HOXA5: variants seen among roughly 807,000 people sequenced by gnomAD.
The protein encoded by HOXA5 is homeobox A5, also known as homeobox protein Hox-A5.
In HOXA5, 12 loss-of-function variants were observed where a neutral mutation model predicts 20.0. The observed-to-expected ratio is 0.60, with a 90% CI of 0.38 to 0.97. The LOEUF (loss-of-function observed/expected upper bound fraction) is 0.97, where lower values mean the gene tolerates loss of function less well. HOXA5 is among the 50% of genes least tolerant of loss of function. HOXA5 has a pLI of 0.00. For synonymous variants in HOXA5, 159 were observed against 157.7 expected, an observed-to-expected ratio of 1.01 and a Z score of -0.06; for missense variants, 352 against 380.3, an observed-to-expected ratio of 0.93 and a Z score of 0.62.
intron 1 of HOXA5, among the ~76,000 whole-genome samples, chr7:27,142,346 C>G (rs1583406584): frequency 6.6e-6 from 1 of 152,342 alleles, no homozygotes; most frequent in East Asian, 1.9e-4. Flanking sequence ...CCCTCTCCTG[C>G]CCCCTCCGCC....
chr7:27,142,330 C>T (rs1481928631), intron 1 of HOXA5, among the ~76,000 whole-genome samples: 1 of 152,208 alleles, frequency 6.6e-6, no homozygotes, highest in African/African-American at 2.4e-5. Context: ...TCCGGCTTTC[C>T]CTGGCCCCTC....
At position 27,141,099 on chromosome 7, in the gene HOXA5, C is replaced by T. The variant is rs1466729019; in HGVS notation, c.*736G>A. ...TTTTTGTTCCAGTCAGTATTTTTTC[C>T]TTAAAAACAAATACAAAAAAAAAAA... is the stretch of plus-strand genomic sequence containing the variant. On this transcript the variant is annotated 3_prime_UTR_variant, in exon 2 of 2. Transcript: ENST00000222726. The T allele has an allele frequency of 2.9e-5, 3 of 102,038 alleles. No homozygotes were observed. The highest frequency in any genetic ancestry group is 1.2e-4 in the African/African-American group (3 of 25,748). The allele number at this position is 102,038 out of a possible 1,614,324, so 6.3% of individuals were successfully genotyped here. A position where few individuals can be genotyped will look rare whatever the true frequency, so the allele number is the denominator to read the frequency against.
At position 27,143,157 on chromosome 7, in the gene HOXA5, C is replaced by T; in HGVS notation, c.451G>A (p.Glu151Lys). ...EGVGTASGAEEDAPASSEQAS... is the reference protein window; with the variant it reads ...EGVGTASGAEKDAPASSEQAS... The stretch of plus-strand genomic sequence containing the variant: ...TGCTCGCTGCTGGCAGGGGCGTCCT[C>T]CTCGGCTCCGGACGCCGTGCCAACC... The change falls in exon 1 of 2, where the codon GAG (glutamate) becomes AAG (lysine). Residue 151 changes from glutamate (E) to lysine (K), a missense_variant. Glu to Lys is a moderately conservative substitution (Grantham distance 56). This residue lies in a region of HOXA5 where 319 missense variants were observed against 336.5 expected (regional missense o/e 0.95). Coordinates refer to ENST00000222726, the MANE Select transcript of HOXA5 (RefSeq NM_019102.4). 1.2e-6 allele frequency: 2 copies of T among 1,609,856 alleles called. No homozygotes were observed. The highest frequency in any genetic ancestry group is 8.5e-7 in the Non-Finnish European group (1 of 1,178,656).
intron 1 of HOXA5, 86 bp downstream of exon 1, chr7:27,142,960 G>C (rs1782626201): frequency 9.6e-6 from 12 of 1,247,868 alleles, no homozygotes; most frequent in Non-Finnish European, 1.3e-5. Context: ...GACCAAGAGA[G>C]ACTGGGAGAG....
At position 27,141,828 on chromosome 7, in the gene HOXA5, C is replaced by T. The variant is rs1297855147; in HGVS notation, c.*7G>A. The T allele has an allele frequency of 3.1e-6, 5 of 1,613,402 alleles. No homozygotes were observed. Among genetic ancestry groups the T allele is most frequent in the Non-Finnish European group, 4.2e-6 (5 of 1,179,860 alleles). On this transcript the variant is annotated 3_prime_UTR_variant, in exon 2 of 2. Transcript: ENST00000222726. Reference sequence around the variant, plus strand: ...AATACTGCTCAGTACTTTAAACGCTCAGATACTCAGGGACGGAAGGCCCCT... The same window carrying T: ...AATACTGCTCAGTACTTTAAACGCTTAGATACTCAGGGACGGAAGGCCCCT...
rs766232638 is a variant in HOXA5 at position 27,143,630 on chromosome 7, G to A, written c.-23C>T. ...CATTTGTTTTTTGATATGTGTGCTT[G>A]ATTTGTGGCTCGCGGTCGTTTGTGC... On this transcript the variant is annotated 5_prime_UTR_variant, in exon 1 of 2. Coordinates refer to ENST00000222726, the MANE Select transcript of HOXA5 (RefSeq NM_019102.4). The A allele has an allele frequency of 6.4e-7, 1 of 1,570,654 alleles. No individual in the cohort carries two copies. Among genetic ancestry groups the A allele is most frequent in the South Asian group, 1.2e-5 (1 of 84,852 alleles).
chr7:27,143,299 G>A lies in HOXA5; in HGVS notation c.309C>T (p.Cys103=), dbSNP rs1265547409. 3.1e-6 allele frequency: 5 copies of A among 1,602,002 alleles called. No homozygotes were observed. Among genetic ancestry groups the A allele is most frequent in the Non-Finnish European group, 3.4e-6 (4 of 1,176,910 alleles). ...TGCCGGGCGAGGGGGCCACGGCGGA[G>A]CAGGGCAGCGGATCGGGCTGAGGAG... is the stretch of plus-strand genomic sequence containing the variant. The part of the protein sequence containing the change: ...THSPQPDPLP[C]SAVAPSPGSD... The change falls in exon 1 of 2, where the codon TGC becomes TGT. Residue 103 remains cysteine, a synonymous_variant. Coordinates refer to ENST00000222726, the MANE Select transcript of HOXA5 (RefSeq NM_019102.4).
chr7:27,143,410 G>C lies in HOXA5; in HGVS notation c.198C>G (p.Ser66=). 1.2e-6 allele frequency: 2 copies of C among 1,611,054 alleles called. No homozygotes were observed. Among genetic ancestry groups the C allele is most frequent in the Non-Finnish European group, 1.7e-6 (2 of 1,179,396 alleles). ...CAGCGTAGCTGCGGGCGCGCTCTCC[G>C]GAGCCAAAGTGGCCGGAGCCCGAGC... ...VGRSGSGHFG[S]GERARSYAAS... The change falls in exon 1 of 2, where the codon TCC becomes TCG. Residue 66 remains serine (S), a synonymous_variant. Transcript: ENST00000222726.
In HOXA5 at chr7:27,141,665, A is replaced by T; in HGVS notation, c.*170T>A. 1 of 746,892 alleles carries T rather than the reference A, an allele frequency of 1.3e-6. No individual in the cohort carries two copies. Among genetic ancestry groups the T allele is most frequent in the East Asian group, 2.7e-5 (1 of 37,060 alleles). The allele number at this position is 746,892 out of a possible 1,614,324, so 46.3% of individuals were successfully genotyped here. A position where few individuals can be genotyped will look rare whatever the true frequency, so the allele number is the denominator to read the frequency against. On this transcript the variant is annotated 3_prime_UTR_variant, in exon 2 of 2. Transcript: ENST00000222726. ...AGATGAACAGAAAGCAGATCTACTT[A>T]TACAGGCGCTATAATGGCAATAAAC... is the stretch of plus-strand genomic sequence containing the variant.
rs775805363 is a variant in HOXA5, at chr7:27,142,075, G to T, written c.573C>A (p.Gly191=). ...TCCGGGCCCTTTTGCCTTCCGGGCC[G>T]CCTATGTTGTCTGCAATAGAAAAGT... ...RKLHISHDNI[G]GPEGKRARTA... is the part of the protein sequence containing the mutation. The change falls in exon 2 of 2, where the codon GGC becomes GGA. Residue 191 remains glycine (G), a synonymous_variant. Transcript: ENST00000222726. 1.2e-6 allele frequency: 2 copies of T among 1,613,304 alleles called. No individual in the cohort carries two copies.
chr7:27,143,137 G>C lies in HOXA5; in HGVS notation c.471C>G (p.Ser157Arg). ...SGAEEDAPASSEQASAQSEPS... is the reference protein window; with the variant it reads ...SGAEEDAPASREQASAQSEPS... ...GCTCGCTCTGCGCACTCGCCTGCTC[G>C]CTGCTGGCAGGGGCGTCCTCCTCGG... The change falls in exon 1 of 2, where the codon AGC becomes AGG. Residue 157 changes from serine to arginine, a missense_variant. Physicochemically the swap from Ser to Arg is moderately radical, Grantham distance 110. Transcript: ENST00000222726. 6.2e-7 allele frequency: 1 copy of C among 1,608,028 alleles called. No homozygotes were observed. Among genetic ancestry groups the C allele is most frequent in the Non-Finnish European group, 8.5e-7 (1 of 1,178,144 alleles).
At position 27,143,355 on chromosome 7, in the gene HOXA5, T is replaced by C. The variant is rs1194560348; in HGVS notation, c.253A>G (p.Arg85Gly). ...GTGGACGTGGCCGGCTGGCTGTACC[T>C]GGGCTCGGCGGGCGCCGCGCTGGCG... is the stretch of plus-strand genomic sequence containing the variant. ...ASASAAPAEPRYSQPATSTHS... is the reference protein window; with the variant it reads ...ASASAAPAEPGYSQPATSTHS... The change falls in exon 1 of 2, where the codon AGG becomes GGG. Residue 85 changes from arginine to glycine, a missense_variant. Transcript: ENST00000222726. The C allele has an allele frequency of 1.3e-6, 2 of 1,592,566 alleles. No individual in the cohort carries two copies. The highest frequency in any genetic ancestry group is 1.7e-5 in the Admixed American group (1 of 57,552).
chr7:27,141,747 G>T lies in HOXA5; in HGVS notation c.*88C>A. ...CGAGAACAGGGCTTCTTCACAGAAG[G>T]AACACAAGGGAGTTTCAGAAAGTCA... is the stretch of plus-strand genomic sequence containing the variant. On this transcript the variant is annotated 3_prime_UTR_variant, in exon 2 of 2. Transcript: ENST00000222726. 1 of 1,499,512 alleles carries T rather than the reference G, an allele frequency of 6.7e-7. No homozygotes were observed. Among genetic ancestry groups the T allele is most frequent in the African/African-American group, 1.4e-5 (1 of 71,800 alleles). 92.9% of individuals were successfully genotyped at this position (1,499,512 alleles called of 1,614,324 possible). A position where few individuals can be genotyped will look rare whatever the true frequency, so the allele number is the denominator to read the frequency against.
intron 1 of HOXA5, chr7:27,142,791 G>GT (rs2128060434): frequency 4.4e-6 from 2 of 450,996 alleles, no homozygotes; most frequent in East Asian, 3.6e-5. Flanking sequence ...TTCCAGAGGG[G>GT]TTTTTTGCTT....
Position 27,141,759 on chromosome 7 carries a change from G to T in HOXA5, c.*76C>A. 1 of 1,536,546 alleles carries T rather than the reference G, an allele frequency of 6.5e-7. No homozygotes were observed. The highest frequency in any genetic ancestry group is 8.8e-7 in the Non-Finnish European group (1 of 1,136,084). On this transcript the variant is annotated 3_prime_UTR_variant, in exon 2 of 2. Coordinates refer to ENST00000222726, the MANE Select transcript of HOXA5 (RefSeq NM_019102.4). ...TTCTTCACAGAAGGAACACAAGGGA[G>T]TTTCAGAAAGTCACCTTAGTACTGA...
rs1325430560 is a variant in HOXA5 at position 27,142,929 on chromosome 7, C to G, written c.562+117G>C. 5 of 990,494 alleles carry G rather than the reference C, an allele frequency of 5.0e-6. No homozygotes were observed. The Admixed American group carries it at 7.9e-5, about 16-fold the overall frequency. The allele number at this position is 990,494 out of a possible 1,614,324, so 61.4% of individuals were successfully genotyped here. The stretch of plus-strand genomic sequence containing the variant: ...GGGAGGGAGAACGGCAAGGAGAGCT[C>G]CGCAGGGCTGGGAGAAATGAGACCA... On this transcript the variant is annotated intron_variant, in intron 1 of 1. Transcript: ENST00000222726.
At chr7:27,142,683 G>A (rs764806636) in intron 1 of HOXA5, 2 of 266,636 alleles carry the variant, frequency 7.5e-6, no homozygotes, top group South Asian at 1.4e-4. Context: ...TAAATTATCC[G>A]CCGTGACAAG....
chr7:27,141,861 C>G lies in HOXA5; in HGVS notation c.787G>C (p.Ala263Pro), dbSNP rs766494765. The G allele has an allele frequency of 6.2e-7, 1 of 1,614,032 alleles. No homozygotes were observed. The highest frequency in any genetic ancestry group is 1.7e-5 in the Admixed American group (1 of 60,008). The change falls in exon 2 of 2, where the codon GCG becomes CCG. Residue 263 changes from alanine to proline, a missense_variant. Around this residue, in one of 3 missense-constraint regions of HOXA5, gnomAD observed 30 missense variants for 26.0 expected, o/e 1.15. Transcript: ENST00000222726. Reference protein sequence around the residue: ...DNKLKSMSMAAAGGAFRP With the variant: ...DNKLKSMSMAPAGGAFRP Reference sequence around the variant, plus strand: ...CAGGGACGGAAGGCCCCTCCTGCCGCGGCCATGCTCATGCTTTTCAGCTTA... The same window carrying G: ...CAGGGACGGAAGGCCCCTCCTGCCGGGGCCATGCTCATGCTTTTCAGCTTA...
Position 27,143,434 on chromosome 7 carries a change from G to A in HOXA5, c.174C>T (p.Arg58=). Residue 58 remains arginine (R), a synonymous_variant, in exon 1 of 2, where the codon CGC becomes CGT. Transcript: ENST00000222726. ...CGGAGCCAAAGTGGCCGGAGCCCGA[G>A]CGGCCGACGCTGAGATCCATGCCAT... The part of the protein sequence containing the change: ...GYNGMDLSVG[R]SGSGHFGSGE... 5 of 1,613,092 alleles carry A rather than the reference G, an allele frequency of 3.1e-6. No homozygotes were observed. The highest frequency in any genetic ancestry group is 1.7e-5 in the Admixed American group (1 of 59,998).
Sources: gnomAD v4.1 joint callset for allele counts (sites outside exome capture counted in the v4.1 genomes callset) on GRCh38, gnomAD v4.1.1 for gene constraint, gnomAD v4.1.1 regional missense constraint, MANE v1.5 for transcripts, NCBI Gene and HGNC (gene_info 2026-07-23, HGNC 2026-07-21) for gene names.